Variants in BMPR1B observed in about 807,000 individuals in gnomAD.
The protein encoded by BMPR1B is bone morphogenetic protein receptor type-1B.
BMPR1B carries 12 observed loss-of-function variants against 59.1 expected under a neutral mutation model. The observed-to-expected ratio is 0.20, with a 90% CI of 0.13 to 0.33. BMPR1B has a LOEUF of 0.33. Among genes scored for constraint, BMPR1B ranks in the 10% least tolerant of loss-of-function variants. The pLI is 1.00. For missense variants in BMPR1B, 550 were observed against 610.9 expected, an observed-to-expected ratio of 0.90 and a Z score of 1.05; for synonymous variants, 237 against 207.3, an observed-to-expected ratio of 1.14 and a Z score of -1.23.
At chr4:94,835,320 C>T (rs1253752563) in intron 1 of BMPR1B, among the ~76,000 whole-genome samples, 1 of 152,124 alleles carries the variant, frequency 6.6e-6, no homozygotes, top group South Asian at 2.1e-4. Flanking sequence ...CAAACGTGTA[C>T]CACCATGCCT....
intron 1 of BMPR1B, among the ~76,000 whole-genome samples, chr4:94,845,634 G>T (rs375260256): frequency 6.6e-6 from 1 of 152,192 alleles, no homozygotes; most frequent in South Asian, 2.1e-4. Context: ...GAGCCATCGT[G>T]CCTGGCCAAC....
chr4:95,091,521 C>T lies in BMPR1B; in HGVS notation c.-17-12887C>T, dbSNP rs774702817. 4.0e-5 allele frequency: 39 copies of T among 985,184 alleles called. 1 individual carries two copies. Among genetic ancestry groups the T allele is most frequent in the East Asian group, 1.1e-4 (1 of 8,816 alleles). 61.0% of individuals were successfully genotyped at this position (985,184 alleles called of 1,614,324 possible). On this transcript the variant is annotated intron_variant, in intron 3 of 12. Transcript: ENST00000515059. ...ACAGGTGCAGGATTAGTGCTGCCTACGGTGCTGGGCTTTTTAGTGGAAACC... is the reference window on the plus strand; with the variant it reads ...ACAGGTGCAGGATTAGTGCTGCCTATGGTGCTGGGCTTTTTAGTGGAAACC...
intron 3 of BMPR1B, among the ~76,000 whole-genome samples, chr4:95,046,179 G>A (rs1359085844): frequency 6.6e-6 from 1 of 151,996 alleles, no homozygotes; most frequent in Non-Finnish European, 1.5e-5. Context: ...TAATAACTGG[G>A]ACTATAGCCA....
At chr4:95,073,677 G>A (rs1728488066) in intron 3 of BMPR1B, among the ~76,000 whole-genome samples, 1 of 152,148 alleles carries the variant, frequency 6.6e-6, no homozygotes, top group African/African-American at 2.4e-5. Context: ...GAATTTAAGT[G>A]TTATAATGAT....
rs543559220 is a variant in BMPR1B, at chr4:95,116,820, G to A, written c.349+1033G>A. Among the ~76,000 whole-genome samples, 9 of 152,058 alleles carry A rather than the reference G, an allele frequency of 5.9e-5. No homozygotes were observed. The East Asian group carries it at 1.7e-3, about 29-fold the overall frequency. ...TGTTTTAACATTTGTTCCTGTTCTA[G>A]CCTAGAAAGCTATACAAGATTGATT... is the stretch of plus-strand genomic sequence containing the variant. On this transcript the variant is annotated intron_variant, in intron 6 of 12. Coordinates refer to ENST00000515059, the MANE Select transcript of BMPR1B (RefSeq NM_001203.3).
intron 1 of BMPR1B, among the ~76,000 whole-genome samples, chr4:94,817,632 G>A (rs1251761480): frequency 6.6e-6 from 1 of 152,008 alleles, no homozygotes; most frequent in Non-Finnish European, 1.5e-5. Context: ...ATCATTGATG[G>A]ACCTGTGCCT....
At chr4:95,035,811 GT>G (rs1725200042) in intron 3 of BMPR1B, among the ~76,000 whole-genome samples, 1 of 152,106 alleles carries the variant, frequency 6.6e-6, no homozygotes, top group South Asian at 2.1e-4. Context: ...TTCTAGTTCT[GT>G]GAAGAACGAT....
At chr4:95,102,777 A>G (rs192648186) in intron 3 of BMPR1B, among the ~76,000 whole-genome samples, 7 of 152,270 alleles carry the variant, frequency 4.6e-5, no homozygotes, top group Admixed American at 2.0e-4. Context: ...AGCATACTAT[A>G]TAGAAATAAT....
intron 9 of BMPR1B, 89 bp downstream of exon 9, chr4:95,130,143 G>T (rs1733217204): frequency 2.7e-6 from 4 of 1,474,270 alleles, no homozygotes; most frequent in Non-Finnish European, 3.8e-6. Context: ...CATCTGTCTA[G>T]ACCCGTTGCG....
chr4:95,117,167 A>AG (rs1246275432), intron 6 of BMPR1B, among the ~76,000 whole-genome samples: 3 of 152,174 alleles, frequency 2.0e-5, no homozygotes, highest in Non-Finnish European at 4.4e-5. Context: ...TGGATAAGGC[A>AG]GGATAGGCTA....
Position 94,836,353 on chromosome 4 carries a change from G to A in BMPR1B, c.-182-39478G>A, listed in dbSNP as rs1724819791. 8.9e-5 allele frequency among the ~76,000 whole-genome samples: 13 copies of A among 146,300 alleles called. 1 individual carries two copies. The South Asian group carries it at 3.0e-3, about 33-fold the overall frequency. ...CGCCACACTGACTTCCACAATGGTT[G>A]AACTAGTTTACAGTCCCACCAACAG... On this transcript the variant is annotated intron_variant, in intron 1 of 12. Coordinates refer to ENST00000515059, the MANE Select transcript of BMPR1B (RefSeq NM_001203.3).
At chr4:94,762,147 A>G (rs1438456576) in intron 1 of BMPR1B, among the ~76,000 whole-genome samples, 1 of 152,216 alleles carries the variant, frequency 6.6e-6, no homozygotes, top group African/African-American at 2.4e-5. Flanking sequence ...CTTACATGCC[A>G]ATATTCTAAT....
chr4:94,789,747 C>T (rs1201524961), intron 1 of BMPR1B, among the ~76,000 whole-genome samples: 1 of 152,142 alleles, frequency 6.6e-6, no homozygotes, highest in Non-Finnish European at 1.5e-5. Context: ...CCACAATTTA[C>T]TTTTGCACTC....
intron 1 of BMPR1B, among the ~76,000 whole-genome samples, chr4:94,796,589 A>G (rs1723204185): frequency 6.6e-6 from 1 of 152,132 alleles, no homozygotes; most frequent in Non-Finnish European, 1.5e-5. Context: ...GAATGAATGG[A>G]ATAAGAGAAA....
chr4:95,061,159 AAACAC>A lies in BMPR1B; in HGVS notation c.-17-43247_-17-43243del, dbSNP rs1727332369. ...AGGAATTTTTGACTTGATTTAGAAT[AAACAC>A]ACACACACACACACACACACACACA... On this transcript the variant is annotated intron_variant, in intron 3 of 12. Transcript: ENST00000515059. Among the ~76,000 whole-genome samples, 3 of 93,884 alleles carry A rather than the reference AAACAC, an allele frequency of 3.2e-5. No individual in the cohort carries two copies. In the Admixed American group the frequency reaches 3.5e-4, roughly 11 times the overall value. The allele number at this position is 93,884 out of a possible 152,430, so 61.6% of individuals were successfully genotyped here. A position where few individuals can be genotyped will look rare whatever the true frequency, so the allele number is the denominator to read the frequency against.
At chr4:95,034,391 G>T (rs1472034156) in intron 3 of BMPR1B, among the ~76,000 whole-genome samples, 1 of 151,966 alleles carries the variant, frequency 6.6e-6, no homozygotes, top group African/African-American at 2.4e-5. Flanking sequence ...CCTGAGCAGT[G>T]TACACTGTAC....
chr4:95,057,461 G>A (rs1004248681), intron 3 of BMPR1B, among the ~76,000 whole-genome samples: 1 of 151,968 alleles, frequency 6.6e-6, no homozygotes, highest in Non-Finnish European at 1.5e-5. Flanking sequence ...TGGCCAGGTT[G>A]GTCTCAATCT....
At chr4:95,129,383 C>T (rs1169658128) in intron 8 of BMPR1B, among the ~76,000 whole-genome samples, 2 of 152,072 alleles carry the variant, frequency 1.3e-5, no homozygotes, top group African/African-American at 2.4e-5. Context: ...TTCCCTCCCT[C>T]CTTCCTCCCT....
intron 2 of BMPR1B, among the ~76,000 whole-genome samples, chr4:94,993,700 A>T (rs1160062968): frequency 6.8e-6 from 1 of 147,598 alleles, no homozygotes; most frequent in African/African-American, 2.5e-5. Context: ...GGTGGAGGTC[A>T]TAGTGAGCCA....
Sources: gnomAD v4.1 joint callset for allele counts (sites outside exome capture counted in the v4.1 genomes callset) on GRCh38, gnomAD v4.1.1 for gene constraint, MANE v1.5 for transcripts, NCBI Gene and HGNC (gene_info 2026-07-23, HGNC 2026-07-21) for gene names.